The following RPSA2 variants were observed in gnomAD, a reference collection of about 807,000 sequenced individuals.
The protein encoded by RPSA2 is ribosomal protein SA 2, also known as small ribosomal subunit protein uS2B.
At chr19:23,802,698 T>TAAAC in the RPSA2 span, among the ~76,000 whole-genome samples, 148,864 of 152,204 alleles carry the variant, frequency 0.98, 72,894 homozygotes, top group Middle Eastern at 1. Flanking sequence ...CTCAAACAGA[T>TAAAC]AAATTGATTC....
At chr19:23,762,383 A>G in the RPSA2 span, among the ~76,000 whole-genome samples, 1 of 151,678 alleles carries the variant, frequency 6.6e-6, no homozygotes, top group Non-Finnish European at 1.5e-5. Context: ...TGATTAAAAA[A>G]TGTCCAAATG....
chr19:23,810,832 AT>A, the RPSA2 span, among the ~76,000 whole-genome samples: 1 of 152,132 alleles, frequency 6.6e-6, no homozygotes, highest in Non-Finnish European at 1.5e-5. Flanking sequence ...TAAGTTCAGA[AT>A]TCTCACTGGA....
chr19:23,758,830 C>T, the RPSA2 span: 279 of 1,597,354 alleles, frequency 1.7e-4, no homozygotes, highest in African/African-American at 3.4e-3. Context: ...GGCTGGGCCT[C>T]TAGAAGAAGA....
At chr19:23,811,634 T>C in the RPSA2 span, among the ~76,000 whole-genome samples, 1 of 152,150 alleles carries the variant, frequency 6.6e-6, no homozygotes, top group Non-Finnish European at 1.5e-5. Context: ...AGAATTTACG[T>C]GTTGTGCCTG....
At chr19:23,810,786 G>C in the RPSA2 span, among the ~76,000 whole-genome samples, 1 of 152,108 alleles carries the variant, frequency 6.6e-6, no homozygotes, top group Non-Finnish European at 1.5e-5. Context: ...ACCTCCCCCA[G>C]ACTGTGACTG....
At chr19:23,813,544 T>A in the RPSA2 span, among the ~76,000 whole-genome samples, 1 of 152,088 alleles carries the variant, frequency 6.6e-6, no homozygotes, top group Non-Finnish European at 1.5e-5. Context: ...AGATTTTTTT[T>A]AAGGCTGAAT....
At chr19:23,789,234 C>T in the RPSA2 span, among the ~76,000 whole-genome samples, 1 of 152,044 alleles carries the variant, frequency 6.6e-6, no homozygotes, top group Non-Finnish European at 1.5e-5. Context: ...CTCCTGACCT[C>T]AGTTGATCCA....
chr19:23,864,808 ATATT>A, the RPSA2 span, among the ~76,000 whole-genome samples: 3 of 152,058 alleles, frequency 2.0e-5, no homozygotes, highest in Admixed American at 6.6e-5. Flanking sequence ...AAATTTTTAA[ATATT>A]AATTAATTTT....
the RPSA2 span, among the ~76,000 whole-genome samples, chr19:23,853,390 A>AAAGGG: frequency 9.9e-5 from 15 of 152,142 alleles, no homozygotes; most frequent in Non-Finnish European, 2.2e-4. Flanking sequence ...TGAGAATTCC[A>AAAGGG]GGGGGGAAAG....
At chr19:23,784,901 G>C in the RPSA2 span, among the ~76,000 whole-genome samples, 1 of 152,070 alleles carries the variant, frequency 6.6e-6, no homozygotes, top group Non-Finnish European at 1.5e-5. Flanking sequence ...CAAAAATTCT[G>C]TCAGCTATTG....
At chr19:23,834,173 G>A in the RPSA2 span, among the ~76,000 whole-genome samples, 5 of 152,034 alleles carry the variant, frequency 3.3e-5, no homozygotes, top group Admixed American at 2.6e-4. Flanking sequence ...ACTATAGATA[G>A]CATAAACATT....
the RPSA2 span, among the ~76,000 whole-genome samples, chr19:23,774,139 T>C: frequency 1.3e-5 from 2 of 152,320 alleles, no homozygotes; most frequent in East Asian, 3.9e-4. Context: ...TTAGGTGATG[T>C]GAGTCTCCTC....
At chr19:23,788,303 T>G in the RPSA2 span, among the ~76,000 whole-genome samples, 8 of 152,198 alleles carry the variant, frequency 5.3e-5, no homozygotes, top group African/African-American at 1.9e-4. Flanking sequence ...TTATAACATC[T>G]TTCTGAGCAT....
At chr19:23,759,522 G>GTTTTTT in the RPSA2 span, among the ~76,000 whole-genome samples, 1,540 of 89,010 alleles carry the variant, frequency 0.017, 256 homozygotes, top group African/African-American at 0.051. Flanking sequence ...TATATATCAG[G>GTTTTTT]TTTTTTTTTT....
the RPSA2 span, among the ~76,000 whole-genome samples, chr19:23,857,507 TGAGATGGAG>T: frequency 4.4e-4 from 57 of 128,560 alleles, no homozygotes; most frequent in African/African-American, 9.0e-4. Context: ...TTTTTTTTTT[TGAGATGGAG>T]TTTTGCTCTC....
At chr19:23,854,293 G>A in the RPSA2 span, among the ~76,000 whole-genome samples, 2 of 152,178 alleles carry the variant, frequency 1.3e-5, no homozygotes, top group East Asian at 3.9e-4. Context: ...CCCCCGTGGG[G>A]ACAATTACAG....
chr19:23,791,000 C>G, the RPSA2 span, among the ~76,000 whole-genome samples: 2 of 152,234 alleles, frequency 1.3e-5, no homozygotes, highest in Non-Finnish European at 2.9e-5. Flanking sequence ...TGTGCCATGT[C>G]CTGGAGCCCT....
the RPSA2 span, chr19:23,762,829 C>T: frequency 6.6e-6 from 1 of 152,238 alleles, no homozygotes; most frequent in African/African-American, 2.4e-5. Context: ...GTTACCTTAC[C>T]TTTACTGTCC....
the RPSA2 span, among the ~76,000 whole-genome samples, chr19:23,796,868 T>TA: frequency 2.0e-5 from 3 of 151,178 alleles, no homozygotes; most frequent in Non-Finnish European, 4.4e-5. Context: ...TTTATCTTAT[T>TA]TTTTTTTTCA....
Sources: gnomAD v4.1 joint callset for allele counts (sites outside exome capture counted in the v4.1 genomes callset) on GRCh38, gnomAD v4.1.1 for gene constraint, MANE v1.5 for transcripts, NCBI Gene and HGNC (gene_info 2026-07-23, HGNC 2026-07-21) for gene names.